Variants in APBB2 observed in about 807,000 individuals in gnomAD.
The protein encoded by APBB2 is amyloid beta precursor protein binding family B member 2.
APBB2 carries 38 observed loss-of-function variants against 82.5 expected under a neutral mutation model. That is an observed-to-expected ratio of 0.46 (90% CI 0.36 to 0.60). APBB2 has a LOEUF of 0.60. Ranked by LOEUF, APBB2 falls within the 20% of genes least tolerant of loss-of-function variation. The pLI is 0.00. For synonymous variants in APBB2, 341 were observed against 368.2 expected (o/e 0.93, Z 0.85); for missense variants, 772 against 972.3 (o/e 0.79, Z 2.74).
At chr4:41,029,577 AG>A (rs544227217) in intron 5 of APBB2, among the ~76,000 whole-genome samples, 154 of 152,334 alleles carry the variant, frequency 1.0e-3, no homozygotes, top group African/African-American at 3.6e-3. Context: ...CTGAGATTTA[AG>A]ACAGATGTAT....
intron 1 of APBB2, among the ~76,000 whole-genome samples, chr4:41,191,962 A>C (rs577950368): frequency 6.6e-6 from 1 of 152,346 alleles, no homozygotes; most frequent in African/African-American, 2.4e-5. Flanking sequence ...ATAAAAAATG[A>C]ATAAGTCACC....
rs148258599 is a variant in APBB2, at chr4:41,156,401, C to G, written c.-416-13259G>C. Among the ~76,000 whole-genome samples the G allele has an allele frequency of 6.6e-3, 1,001 of 152,264 alleles. 13 individuals are homozygous for G. Among genetic ancestry groups the G allele is most frequent in the South Asian group, 0.028 (135 of 4,820 alleles). ...CCTATAAACGAAATTATCAGAGTTC[C>G]CGAGTACACCGGGGGTCGAGGGAAG... On this transcript the variant is annotated intron_variant, in intron 1 of 17. Coordinates refer to ENST00000508593, the MANE Select transcript of APBB2 (RefSeq NM_004307.2).
chr4:40,842,312 C>A (rs1383254169), intron 12 of APBB2: 1 of 442,394 alleles, frequency 2.3e-6, no homozygotes, highest in Non-Finnish European at 4.6e-6. Context: ...AGCAAGTGAG[C>A]TTTGCCAGAC....
At chr4:40,997,756 A>G (rs558852472) in intron 6 of APBB2, among the ~76,000 whole-genome samples, 2 of 152,372 alleles carry the variant, frequency 1.3e-5, no homozygotes, top group South Asian at 4.1e-4. Flanking sequence ...GAAGCAAGAC[A>G]GTAGCATAAG....
chr4:40,898,531 CTGGG>C, intron 10 of APBB2, among the ~76,000 whole-genome samples: 1 of 152,182 alleles, frequency 6.6e-6, no homozygotes. Flanking sequence ...TCCCAAAGTG[CTGGG>C]ATTATAGGCA....
intron 17 of APBB2, among the ~76,000 whole-genome samples, chr4:40,819,132 GTC>G (rs1746864455): frequency 6.6e-6 from 1 of 150,840 alleles, no homozygotes; most frequent in Admixed American, 6.6e-5. Flanking sequence ...AAAGTAAAAG[GTC>G]TCTCTAACTA....
At chr4:41,188,820 G>A (rs752067502) in intron 1 of APBB2, among the ~76,000 whole-genome samples, 19 of 152,158 alleles carry the variant, frequency 1.2e-4, no homozygotes, top group Middle Eastern at 3.4e-3. Context: ...AGGCTGAGGC[G>A]GGAGGTTTGC....
At chr4:41,156,847 T>A (rs1448359506) in intron 1 of APBB2, among the ~76,000 whole-genome samples, 1 of 151,998 alleles carries the variant, frequency 6.6e-6, no homozygotes, top group Non-Finnish European at 1.5e-5. Flanking sequence ...GGATGAATCA[T>A]CTGAGGTTAG....
At chr4:40,888,157 T>C (rs1770871821) in intron 12 of APBB2, among the ~76,000 whole-genome samples, 1 of 152,238 alleles carries the variant, frequency 6.6e-6, no homozygotes, top group South Asian at 2.1e-4. Context: ...ATCTGTCATG[T>C]CCCTATCACT....
chr4:41,094,848 A>G (rs1190398970), intron 3 of APBB2, among the ~76,000 whole-genome samples: 1 of 152,192 alleles, frequency 6.6e-6, no homozygotes, highest in Non-Finnish European at 1.5e-5. Flanking sequence ...TATAGGGATG[A>G]GCCACCGCAC....
At chr4:41,176,965 T>A (rs887291271) in intron 1 of APBB2, among the ~76,000 whole-genome samples, 1 of 147,786 alleles carries the variant, frequency 6.8e-6, no homozygotes, top group Non-Finnish European at 1.5e-5. Flanking sequence ...ATTACACAAA[T>A]GCAATTGAAT....
intron 2 of APBB2, among the ~76,000 whole-genome samples, chr4:41,140,527 T>C (rs533115910): frequency 6.6e-6 from 1 of 152,304 alleles, no homozygotes; most frequent in South Asian, 2.1e-4. Flanking sequence ...TTCTTACCTC[T>C]AGAGATACAT....
chr4:41,143,910 G>A (rs998783423), intron 1 of APBB2, among the ~76,000 whole-genome samples: 16 of 152,220 alleles, frequency 1.1e-4, no homozygotes, highest in African/African-American at 3.4e-4. Flanking sequence ...ATGTGGCCTA[G>A]CCCACAGGCG....
At chr4:41,000,068 T>A (rs1804758679) in intron 6 of APBB2, among the ~76,000 whole-genome samples, 1 of 104,946 alleles carries the variant, frequency 9.5e-6, no homozygotes, top group Non-Finnish European at 2.0e-5. Flanking sequence ...TATATGTGTG[T>A]ATGTGTGTGT....
chr4:40,957,262 A>G (rs574417740), intron 6 of APBB2, among the ~76,000 whole-genome samples: 30 of 152,204 alleles, frequency 2.0e-4, no homozygotes, highest in Non-Finnish European at 4.1e-4. Flanking sequence ...GCCATCAACC[A>G]CAGTGTATTT....
intron 6 of APBB2, among the ~76,000 whole-genome samples, chr4:40,959,716 C>T (rs1486442999): frequency 1.3e-5 from 2 of 152,174 alleles, no homozygotes; most frequent in Non-Finnish European, 2.9e-5. Context: ...CATTATTATA[C>T]TACACTCTCA....
intron 7 of APBB2, chr4:40,935,479 A>G (rs890994954): frequency 2.2e-5 from 5 of 225,638 alleles, no homozygotes; most frequent in Non-Finnish European, 8.5e-6. Flanking sequence ...ATTCCATAAT[A>G]ATCATTTTCC....
intron 6 of APBB2, among the ~76,000 whole-genome samples, chr4:40,972,733 G>A (rs1261701972): frequency 6.6e-6 from 1 of 152,204 alleles, no homozygotes; most frequent in African/African-American, 2.4e-5. Flanking sequence ...GTTACATTGT[G>A]TGTCATGAGA....
At chr4:41,157,914 C>T (rs1372469951) in intron 1 of APBB2, among the ~76,000 whole-genome samples, 1 of 152,138 alleles carries the variant, frequency 6.6e-6, no homozygotes, top group Non-Finnish European at 1.5e-5. Context: ...ATCACTTGAA[C>T]CTGGGAGGCA....
Sources: allele counts gnomAD v4.1 joint callset (sites outside exome capture counted in the v4.1 genomes callset), GRCh38; gene constraint gnomAD v4.1.1; transcripts MANE v1.5; gene names NCBI Gene and HGNC (gene_info 2026-07-23, HGNC 2026-07-21).